MAN2B1: variants seen among roughly 807,000 people sequenced by gnomAD.
MAN2B1 encodes mannosidase alpha class 2B member 1, also known as lysosomal alpha-mannosidase.
In MAN2B1, 99 loss-of-function variants were observed where a neutral mutation model predicts 127.5. That is an observed-to-expected ratio of 0.78 (90% CI 0.66 to 0.92). The LOEUF (loss-of-function observed/expected upper bound fraction) is 0.92. Ranked by LOEUF, MAN2B1 falls within the 40% of genes least tolerant of loss-of-function variation. The probability of loss-of-function intolerance (pLI) is 0.00; values close to 1 mark genes in which losing one functional copy is unlikely to be tolerated. For synonymous variants in MAN2B1, 573 were observed against 568.8 expected, an observed-to-expected ratio of 1.01 and a Z score of -0.11; for missense variants, 1,304 against 1,384.8, an observed-to-expected ratio of 0.94 and a Z score of 0.93.
chr19:12,647,699 G>A lies in MAN2B1; in HGVS notation c.2665-101C>T. 1.0e-6 allele frequency: 1 copy of A among 985,776 alleles called. No individual in the cohort carries two copies. Among genetic ancestry groups the A allele is most frequent in the Non-Finnish European group, 1.5e-6 (1 of 672,308 alleles). 61.1% of individuals were successfully genotyped at this position (985,776 alleles called of 1,614,324 possible). ...GGAGGCAGGGCTAGGTTGTAGGGGC[G>A]GGGTTTCGCCGGAGAGGGGCAAGGC... On this transcript the variant is annotated intron_variant, in intron 21 of 23. Coordinates refer to ENST00000456935, the MANE Select transcript of MAN2B1 (RefSeq NM_000528.4). This position sits in a 1 kb window ranked among gnomAD's most constrained non-coding sequence, Gnocchi z 4.9.
At position 12,661,395 on chromosome 19, in the gene MAN2B1, T is replaced by G. The variant is rs1599355082; in HGVS notation, c.910-19A>C. On this transcript the variant is annotated intron_variant, in intron 6 of 23. Coordinates refer to ENST00000456935, the MANE Select transcript of MAN2B1 (RefSeq NM_000528.4). ...ACCGGCCCTGCAGGCAAGAGGGGAGTCCTGAAGCCAGAGGATCCTGGGCCA... is the reference window on the plus strand; with the variant it reads ...ACCGGCCCTGCAGGCAAGAGGGGAGGCCTGAAGCCAGAGGATCCTGGGCCA... 6.6e-7 allele frequency: 1 copy of G among 1,522,694 alleles called. No homozygotes were observed. Among genetic ancestry groups the G allele is most frequent in the Non-Finnish European group, 9.1e-7 (1 of 1,096,986 alleles). The allele number at this position is 1,522,694 out of a possible 1,614,324, so 94.3% of individuals were successfully genotyped here.
In MAN2B1 at chr19:12,664,817, C is replaced by G. The variant is rs864621979; in HGVS notation, c.605G>C (p.Arg202Pro). Residue 202 changes from arginine to proline, a missense_variant, in exon 4 of 24, where the codon CGG (arginine) becomes CCG (proline). Physicochemically the swap from Arg to Pro is moderately radical, Grantham distance 103. Transcript: ENST00000456935. ...CTGCGCAAACAGCGAGGCCTGCTCC[C>G]GAGAGTGGCCGAAGGGGTCAATGTG... Reference protein sequence around the residue: ...AWHIDPFGHSREQASLFAQMG... With the variant: ...AWHIDPFGHSPEQASLFAQMG... 6.2e-6 allele frequency: 10 copies of G among 1,613,520 alleles called. No individual in the cohort carries two copies. Among genetic ancestry groups the G allele is most frequent in the Non-Finnish European group, 8.5e-6 (10 of 1,179,848 alleles).
chr19:12,663,491 G>C, intron 5 of MAN2B1, 29 bp from the exon 6 acceptor site: 1 of 1,611,862 alleles, frequency 6.2e-7, no homozygotes, highest in African/African-American at 1.3e-5. Context: ...TCAAGGGGTG[G>C]CCCATCACCC....
rs1337467756 is a variant in MAN2B1, at chr19:12,652,122, A to G, written c.2046+31T>C. On this transcript the variant is annotated intron_variant, in intron 16 of 23. Coordinates refer to ENST00000456935, the MANE Select transcript of MAN2B1 (RefSeq NM_000528.4). ...TGGGCTCCATAACTTCCCCATTCCCAACTGCCCACTCATCATTCCTAGTCC... is the reference window on the plus strand; with the variant it reads ...TGGGCTCCATAACTTCCCCATTCCCGACTGCCCACTCATCATTCCTAGTCC... 1.9e-6 allele frequency: 3 copies of G among 1,553,508 alleles called. No individual in the cohort carries two copies. The South Asian group carries it at 3.3e-5, about 17-fold the overall frequency.
At chr19:12,663,497 C>T (rs1315490137) in intron 5 of MAN2B1, 35 bp from the exon 6 acceptor site, 2 of 1,610,660 alleles carry the variant, frequency 1.2e-6, no homozygotes, top group East Asian at 4.5e-5. Context: ...GGTGGCCCAT[C>T]ACCCAGACCT....
rs189469608 is a variant in MAN2B1, at chr19:12,648,425, G to A, written c.2437-23C>T. The A allele has an allele frequency of 3.2e-6, 5 of 1,585,608 alleles. 1 individual carries two copies. The African/African-American group carries it at 5.4e-5, about 17-fold the overall frequency. On this transcript the variant is annotated intron_variant, in intron 20 of 23. Coordinates refer to ENST00000456935, the MANE Select transcript of MAN2B1 (RefSeq NM_000528.4). Reference sequence around the variant, plus strand: ...CACCTGGGGGGAGAGTGGCCAGGAGGGGGTGAGAGTCGTGGGTTTGTGGGT... The same window carrying A: ...CACCTGGGGGGAGAGTGGCCAGGAGAGGGTGAGAGTCGTGGGTTTGTGGGT...
chr19:12,657,859 T>G (rs527270345), intron 10 of MAN2B1: 111 of 618,484 alleles, frequency 1.8e-4, no homozygotes, highest in South Asian at 1.6e-3. Context: ...GGAGGCTGAG[T>G]CAGGAGAATG....
chr19:12,657,292 C>A, intron 11 of MAN2B1, 154 bp downstream of exon 11: 2 of 719,746 alleles, frequency 2.8e-6, no homozygotes, highest in Non-Finnish European at 4.8e-6. Flanking sequence ...TGTATCTTTC[C>A]CCGCCTCCTA....
intron 14 of MAN2B1, among the ~76,000 whole-genome samples, chr19:12,652,816 G>A (rs1204534933): frequency 2.7e-5 from 4 of 149,600 alleles, no homozygotes; most frequent in African/African-American, 7.4e-5. Flanking sequence ...ACAGACATAA[G>A]CCACTGTGCC....
At chr19:12,663,273 G>A in intron 6 of MAN2B1, 44 bp downstream of exon 6, 1 of 1,610,350 alleles carries the variant, frequency 6.2e-7, no homozygotes, top group African/African-American at 1.3e-5. Context: ...AGAGCTCATT[G>A]TATTGTATAT....
chr19:12,648,482 TG>T, intron 20 of MAN2B1, 80 bp from the exon 21 acceptor site: 1 of 1,048,282 alleles, frequency 9.5e-7, no homozygotes, highest in Non-Finnish European at 1.4e-6. Flanking sequence ...TAAGGGCGTG[TG>T]GGAATGTCAA....
At chr19:12,666,413 C>G in intron 1 of MAN2B1, 130 bp downstream of exon 1, 2 of 1,021,496 alleles carry the variant, frequency 2.0e-6, no homozygotes, top group Middle Eastern at 4.2e-4. Context: ...ACAAAGCACG[C>G]ACTCAGACCA....
At chr19:12,656,472 G>A (rs2023960479) in intron 13 of MAN2B1, 99 bp downstream of exon 13, 1 of 801,420 alleles carries the variant, frequency 1.2e-6, no homozygotes, top group African/African-American at 1.7e-5. Flanking sequence ...TGCATGAGTG[G>A]GAGGTATTCA....
In MAN2B1 at chr19:12,664,931, T is replaced by C; in HGVS notation, c.491A>G (p.His164Arg). 6.2e-7 allele frequency: 1 copy of C among 1,614,136 alleles called. No individual in the cohort carries two copies. Among genetic ancestry groups the C allele is most frequent in the Non-Finnish European group, 8.5e-7 (1 of 1,180,016 alleles). The change falls in exon 4 of 24, where the codon CAC becomes CGC. Residue 164 changes from histidine to arginine, a missense_variant. His to Arg is a conservative substitution (Grantham distance 29, BLOSUM62 0). Transcript: ENST00000456935. ...CATCTGGTCCACGATGGCACCGTAG[T>C]GGGTGGCTGCCTCATCGTTCATCAC... Reference protein sequence around the residue: ...GWVMNDEAATHYGAIVDQMTL... With the variant: ...GWVMNDEAATRYGAIVDQMTL...
intron 14 of MAN2B1, 75 bp from the exon 15 acceptor site, chr19:12,652,535 T>A: frequency 1.0e-6 from 1 of 979,866 alleles, no homozygotes; most frequent in Non-Finnish European, 1.5e-6. Flanking sequence ...TTTTCTTTTT[T>A]CTTTTTTTTT....
Position 12,660,999 on chromosome 19 carries a change from T to C in MAN2B1, c.1026+261A>G, listed in dbSNP as rs10422318. The C allele has an allele frequency of 9.4e-3, 3,722 of 394,718 alleles. 126 individuals are homozygous for C. The highest frequency in any genetic ancestry group is 0.068 in the African/African-American group (3,292 of 48,170). 24.5% of individuals were successfully genotyped at this position (394,718 alleles called of 1,614,324 possible). A position where few individuals can be genotyped will look rare whatever the true frequency, so the allele number is the denominator to read the frequency against. On this transcript the variant is annotated intron_variant, in intron 7 of 23. Transcript: ENST00000456935. ...GTCTCGAATTCCTGACCTCGTGATC[T>C]GCCCGGCTCAGCCTCCCAACATGCT...
rs1599350640 is a variant in MAN2B1, at chr19:12,657,460, A to AG, written c.1404dup (p.Trp469LeufsTer48). On this transcript the variant is annotated frameshift_variant, in exon 11 of 24. Coordinates refer to ENST00000456935, the MANE Select transcript of MAN2B1 (RefSeq NM_000528.4). LOFTEE classifies it high-confidence loss of function. Reference sequence around the variant, plus strand: ...GCCCCGCGCACCTCGCAAGGCCCCCAGCCTGCCGCAAGCTGGCGCGCGTAG... The same window carrying AG: ...GCCCCGCGCACCTCGCAAGGCCCCCAGGCCTGCCGCAAGCTGGCGCGCGTAG... 1 of 1,555,070 alleles carries AG rather than the reference A, an allele frequency of 6.4e-7. No individual in the cohort carries two copies. Among genetic ancestry groups the AG allele is most frequent in the Non-Finnish European group, 8.7e-7 (1 of 1,150,466 alleles).
chr19:12,656,212 A>G (rs2023952308), intron 13 of MAN2B1: 1 of 443,076 alleles, frequency 2.3e-6, no homozygotes, highest in Non-Finnish European at 4.1e-6. Context: ...AAACAGCAAT[A>G]AATTTTCCTG....
rs2024210372 is a variant in MAN2B1 at position 12,665,496 on chromosome 19, G to A, written c.292C>T (p.Gln98Ter). 6.2e-7 allele frequency: 1 copy of A among 1,614,192 alleles called. No individual in the cohort carries two copies. Residue 98 changes from glutamine to a stop codon, truncating the protein, a stop_gained, in exon 3 of 24, where the codon CAG becomes TAG. Transcript: ENST00000456935. LOFTEE classifies it high-confidence loss of function. ...GAGATGACCGAGTCCAGGATGTACT[G>A]CACACCGGCGTGCTGGATGTCATTC... ...IKNDIQHAGV[Q>*]YILDSVISAL...
Sources: allele counts gnomAD v4.1 joint callset (sites outside exome capture counted in the v4.1 genomes callset), GRCh38; gene constraint gnomAD v4.1.1; non-coding constraint Gnocchi (gnomAD v3.1); transcripts MANE v1.5; gene names NCBI Gene and HGNC (gene_info 2026-07-23, HGNC 2026-07-21).